WDR70: variants seen among roughly 807,000 people sequenced by gnomAD.
WDR70 encodes WD repeat domain 70, also known as WD repeat-containing protein 70.
In WDR70, 53 loss-of-function variants were observed where a neutral mutation model predicts 88.6. The ratio of observed to expected loss-of-function variants is 0.60; its 90% confidence interval spans 0.48 to 0.75. WDR70 has a LOEUF of 0.75. WDR70 is among the 30% of genes least tolerant of loss of function. The pLI is 0.00. For synonymous variants in WDR70, 280 were observed against 270.0 expected (o/e 1.04, Z -0.36); for missense variants, 610 against 823.2 (o/e 0.74, Z 3.17).
At chr5:37,728,348 CAA>C (rs1271317565) in intron 17 of WDR70, among the ~76,000 whole-genome samples, 9 of 49,994 alleles carry the variant, frequency 1.8e-4, no homozygotes, top group Non-Finnish European at 2.1e-4. Context: ...ACCTTGCCTC[CAA>C]AAAAAAAAAA....
At chr5:37,433,428 T>A (rs1057196032) in intron 5 of WDR70, among the ~76,000 whole-genome samples, 1 of 152,194 alleles carries the variant, frequency 6.6e-6, no homozygotes, top group Admixed American at 6.5e-5. Context: ...TTTGGAATTG[T>A]ATACAGCCTG....
At chr5:37,569,455 A>G (rs1352069088) in intron 9 of WDR70, among the ~76,000 whole-genome samples, 1 of 152,146 alleles carries the variant, frequency 6.6e-6, no homozygotes, top group African/African-American at 2.4e-5. Context: ...CTTGCAAATA[A>G]TCGTTTTTGT....
intron 10 of WDR70, among the ~76,000 whole-genome samples, chr5:37,640,012 A>G (rs1036662780): frequency 1.3e-5 from 2 of 152,184 alleles, no homozygotes; most frequent in Admixed American, 1.3e-4. Flanking sequence ...TGCCTATTTT[A>G]CAACTAGAAA....
At chr5:37,515,913 A>G (rs1207609249) in intron 8 of WDR70, among the ~76,000 whole-genome samples, 1 of 152,246 alleles carries the variant, frequency 6.6e-6, no homozygotes, top group Non-Finnish European at 1.5e-5. Flanking sequence ...GTTTACGTAT[A>G]TCAGCATCAC....
chr5:37,695,650 C>T (rs1199346580), intron 10 of WDR70, among the ~76,000 whole-genome samples: 5 of 152,176 alleles, frequency 3.3e-5, no homozygotes, highest in African/African-American at 1.2e-4. Context: ...TCTCATATCT[C>T]AAATTTCTCT....
At chr5:37,643,067 C>T (rs1294867952) in intron 10 of WDR70, among the ~76,000 whole-genome samples, 1 of 152,052 alleles carries the variant, frequency 6.6e-6, no homozygotes, top group African/African-American at 2.4e-5. Flanking sequence ...TTGCCCAGAC[C>T]AATGTCCTGG....
intron 9 of WDR70, among the ~76,000 whole-genome samples, chr5:37,547,902 T>C (rs1581384224): frequency 6.6e-6 from 1 of 152,196 alleles, no homozygotes; most frequent in Non-Finnish European, 1.5e-5. Flanking sequence ...GTAAAATTTG[T>C]CTTTCTTTGC....
chr5:37,592,560 T>A (rs762456818), intron 9 of WDR70, among the ~76,000 whole-genome samples: 21 of 152,340 alleles, frequency 1.4e-4, no homozygotes, highest in South Asian at 8.3e-4. Flanking sequence ...GCAGACTGAA[T>A]GAACTGTGTG....
chr5:37,669,897 G>T (rs9283746), intron 10 of WDR70, among the ~76,000 whole-genome samples: 1 of 152,110 alleles, frequency 6.6e-6, no homozygotes, highest in Non-Finnish European at 1.5e-5. Flanking sequence ...AAAACATTAC[G>T]CTAAATGAAA....
chr5:37,725,019 G>T lies in WDR70; in HGVS notation c.1683G>T (p.Ser561=). 1 of 1,613,500 alleles carries T rather than the reference G, an allele frequency of 6.2e-7. No individual in the cohort carries two copies. Among genetic ancestry groups the T allele is most frequent in the Non-Finnish European group, 8.5e-7 (1 of 1,179,680 alleles). ...AGGACAGACTGGATCCCCTGAAGTC[G>T]CATAAACCTGAACCTCCTGTAGCAG... ...LEKDRLDPLK[S]HKPEPPVAGP... is the part of the protein sequence containing the mutation. The change falls in exon 16 of 18, where the codon TCG becomes TCT. Residue 561 remains serine (S), a synonymous_variant. Transcript: ENST00000265107.
At chr5:37,741,290 A>G (rs1490959074) in intron 17 of WDR70, among the ~76,000 whole-genome samples, 2 of 150,652 alleles carry the variant, frequency 1.3e-5, no homozygotes, top group African/African-American at 4.9e-5. Context: ...TAGAATAAAC[A>G]TGAGATAAAA....
chr5:37,524,929 C>G (rs1310597331), intron 9 of WDR70, among the ~76,000 whole-genome samples: 2 of 152,176 alleles, frequency 1.3e-5, no homozygotes, highest in Non-Finnish European at 2.9e-5. Flanking sequence ...GGAGAGCTAA[C>G]TATCCTAAAT....
chr5:37,511,455 A>G (rs373250317), intron 8 of WDR70, among the ~76,000 whole-genome samples: 1 of 151,598 alleles, frequency 6.6e-6, no homozygotes, highest in East Asian at 1.9e-4. Context: ...TTTTTTTAAT[A>G]CAACAAAATG....
intron 10 of WDR70, among the ~76,000 whole-genome samples, chr5:37,614,848 T>G (rs1051109647): frequency 6.6e-6 from 1 of 152,096 alleles, no homozygotes; most frequent in South Asian, 2.1e-4. Context: ...ATACAGAAAC[T>G]TATACTAAAC....
chr5:37,601,474 T>C (rs1466364978), intron 9 of WDR70, among the ~76,000 whole-genome samples: 1 of 152,256 alleles, frequency 6.6e-6, no homozygotes, highest in Non-Finnish European at 1.5e-5. Context: ...GATATTGTTC[T>C]GTAGCTTTCT....
intron 7 of WDR70, among the ~76,000 whole-genome samples, chr5:37,465,790 A>C (rs1739134565): frequency 1.7e-5 from 1 of 58,404 alleles, no homozygotes; most frequent in Non-Finnish European, 3.2e-5. Context: ...ATATTAAAAA[A>C]ATTTCTAAAC....
At position 37,452,865 on chromosome 5, in the gene WDR70, G is replaced by A. The variant is rs115277010; in HGVS notation, c.686+9493G>A. Among the ~76,000 whole-genome samples the A allele has an allele frequency of 3.2e-3, 483 of 152,256 alleles. 4 individuals carry two copies. The highest frequency in any genetic ancestry group is 3.1e-3 in the African/African-American group (127 of 41,546). ...AAAGAGGCAGTCACACTCAAAGAACGCCCCCATAGCTATTCAGGAAGGGAG... is the reference window on the plus strand; with the variant it reads ...AAAGAGGCAGTCACACTCAAAGAACACCCCCATAGCTATTCAGGAAGGGAG... On this transcript the variant is annotated intron_variant, in intron 7 of 17. Transcript: ENST00000265107.
intron 7 of WDR70, among the ~76,000 whole-genome samples, chr5:37,449,603 ATAAAAAAT>A (rs1436730757): frequency 3.0e-4 from 21 of 70,640 alleles, no homozygotes; most frequent in African/African-American, 3.5e-4. Context: ...AAAAAAAAAA[ATAAAAAAT>A]AAAAAATAAA....
intron 7 of WDR70, among the ~76,000 whole-genome samples, chr5:37,469,968 T>G (rs1739275541): frequency 6.6e-6 from 1 of 152,208 alleles, no homozygotes; most frequent in Non-Finnish European, 1.5e-5. Flanking sequence ...TTCTTCTTCC[T>G]TTACATTTTT....
Sources: allele counts gnomAD v4.1 joint callset (sites outside exome capture counted in the v4.1 genomes callset), GRCh38; gene constraint gnomAD v4.1.1; transcripts MANE v1.5; gene names NCBI Gene and HGNC (gene_info 2026-07-23, HGNC 2026-07-21).